INSL6: variants seen among roughly 807,000 people sequenced by gnomAD.
INSL6 encodes the protein insulin-like peptide INSL6.
Under a neutral mutation model 9.4 loss-of-function variants are expected in INSL6, and 16 were observed. The observed-to-expected ratio is 1.70, with a 90% confidence interval of 1.15 to 2.59. INSL6 has a LOEUF of 2.59. Among genes scored for constraint, INSL6 ranks in the 30% most tolerant of loss-of-function variants. The pLI, the probability that INSL6 is intolerant of heterozygous loss-of-function variation, is 0.00. For synonymous variants in INSL6, 154 were observed against 96.9 expected (o/e 1.59, Z -3.46); for missense variants, 391 against 257.3 (o/e 1.52, Z -3.56).
chr9:5,027,402 A>G, the INSL6 span, among the ~76,000 whole-genome samples: 6 of 152,236 alleles, frequency 3.9e-5, no homozygotes, highest in Admixed American at 3.3e-4. Flanking sequence ...TTTATTGTCA[A>G]AAAGCACTCA....
At chr9:5,014,885 G>T in the INSL6 span, among the ~76,000 whole-genome samples, 1 of 150,912 alleles carries the variant, frequency 6.6e-6, no homozygotes, top group Non-Finnish European at 1.5e-5. Flanking sequence ...AGTAACCATT[G>T]TGTATTGTAT....
At chr9:5,142,948 G>A (rs1381742032) in intron 2 of INSL6, among the ~76,000 whole-genome samples, 6 of 152,104 alleles carry the variant, frequency 3.9e-5, no homozygotes, top group African/African-American at 1.2e-4. Flanking sequence ...TGCATCTATT[G>A]AGATAATCAT....
the INSL6 span, among the ~76,000 whole-genome samples, chr9:5,003,392 T>G: frequency 6.6e-6 from 1 of 152,064 alleles, no homozygotes; most frequent in African/African-American, 2.4e-5. Context: ...CATTTATTTT[T>G]TGTAGAAATG....
chr9:5,007,868 C>T, the INSL6 span, among the ~76,000 whole-genome samples: 1 of 152,166 alleles, frequency 6.6e-6, no homozygotes, highest in East Asian at 1.9e-4. Context: ...GCTGGGATTA[C>T]AGGCACGTGC....
At chr9:5,026,522 A>G in the INSL6 span, among the ~76,000 whole-genome samples, 2 of 152,222 alleles carry the variant, frequency 1.3e-5, no homozygotes, top group African/African-American at 2.4e-5. Context: ...GAAAATAGTG[A>G]AAACATAACT....
intron 2 of INSL6, among the ~76,000 whole-genome samples, chr9:5,157,229 G>A (rs919583114): frequency 6.6e-5 from 10 of 151,962 alleles, no homozygotes; most frequent in Non-Finnish European, 1.3e-4. Context: ...AAAAAGTGTT[G>A]TAAAAAATAG....
the INSL6 span, among the ~76,000 whole-genome samples, chr9:5,071,209 C>G: frequency 6.6e-6 from 1 of 152,166 alleles, no homozygotes; most frequent in Non-Finnish European, 1.5e-5. Context: ...TTCGGAACCA[C>G]ATACTCTTAA....
At chr9:5,129,062 C>G (rs1159591565) in intron 3 of INSL6, among the ~76,000 whole-genome samples, 3 of 151,896 alleles carry the variant, frequency 2.0e-5, no homozygotes, top group African/African-American at 7.2e-5. Flanking sequence ...TTCTTTTAAC[C>G]TAAGGCTTCT....
chr9:5,093,063 TC>T, the INSL6 span, among the ~76,000 whole-genome samples: 3 of 152,160 alleles, frequency 2.0e-5, no homozygotes, highest in Admixed American at 6.5e-5. Flanking sequence ...ACTGGTCTAA[TC>T]TATTATTTAA....
At chr9:5,090,997 T>C in the INSL6 span, 1 of 1,008,430 alleles carries the variant, frequency 9.9e-7, no homozygotes, top group Non-Finnish European at 1.5e-6. Context: ...GCCATTTCTA[T>C]ATTTACAGTA....
chr9:5,056,917 A>T, the INSL6 span, among the ~76,000 whole-genome samples: 1 of 152,172 alleles, frequency 6.6e-6, no homozygotes, highest in Non-Finnish European at 1.5e-5. Context: ...GGGCTATTTA[A>T]ACTCAAATGC....
intron 1 of INSL6, among the ~76,000 whole-genome samples, chr9:5,180,690 C>G (rs1382182605): frequency 6.6e-6 from 1 of 152,076 alleles, no homozygotes; most frequent in African/African-American, 2.4e-5. Context: ...GCTCTCAAAC[C>G]CTGTTTTCTG....
chr9:5,101,382 G>C, the INSL6 span, among the ~76,000 whole-genome samples: 3 of 152,256 alleles, frequency 2.0e-5, no homozygotes, highest in South Asian at 2.1e-4. Context: ...GGCCAGGGAA[G>C]CTCGAACTGG....
chr9:5,021,998 C>A, the INSL6 span: 1 of 1,613,066 alleles, frequency 6.2e-7, no homozygotes, highest in South Asian at 1.1e-5. Flanking sequence ...ATGGGAATGG[C>A]CTGCCTTACG....
chr9:5,054,765 A>G, the INSL6 span: 1 of 1,613,286 alleles, frequency 6.2e-7, no homozygotes, highest in Non-Finnish European at 8.5e-7. The surrounding 1 kb of genome is among the most constrained non-coding windows in gnomAD (Gnocchi z 4.9). Context: ...ATTTGAAGTA[A>G]AAGAACCTGG....
chr9:5,126,233 A>T, intron 3 of INSL6: 1 of 711,454 alleles, frequency 1.4e-6, no homozygotes, highest in Non-Finnish European at 2.4e-6. Flanking sequence ...ATACAAAAGC[A>T]CACATATACT....
the INSL6 span, among the ~76,000 whole-genome samples, chr9:4,994,411 T>C: frequency 1.3e-5 from 2 of 152,200 alleles, no homozygotes; most frequent in Non-Finnish European, 2.9e-5. Context: ...CCAGAGTTTG[T>C]TTCATTAGCT....
At chr9:5,113,549 G>A in the INSL6 span, 9 of 153,784 alleles carry the variant, frequency 5.9e-5, no homozygotes, top group African/African-American at 9.8e-5. Context: ...TGACTGTCCC[G>A]CCTCCACACA....
the INSL6 span, among the ~76,000 whole-genome samples, chr9:5,104,128 G>C: frequency 6.6e-6 from 1 of 152,068 alleles, no homozygotes; most frequent in Non-Finnish European, 1.5e-5. Context: ...TCCAGGAGCT[G>C]GTTTTTCAAA....
Sources: allele counts gnomAD v4.1 joint callset (sites outside exome capture counted in the v4.1 genomes callset), GRCh38; gene constraint gnomAD v4.1.1; non-coding constraint Gnocchi (gnomAD v3.1); transcripts MANE v1.5; gene names NCBI Gene and HGNC (gene_info 2026-07-23, HGNC 2026-07-21).